Variants in CNTLN observed in about 807,000 individuals in gnomAD.
CNTLN encodes centlein, also known as centlein, centrosomal protein.
In CNTLN, 212 loss-of-function variants were observed where a neutral mutation model predicts 180.0. The ratio of observed to expected loss-of-function variants is 1.18; its 90% confidence interval spans 1.05 to 1.32. CNTLN has a LOEUF of 1.32. CNTLN is among the 40% of genes most tolerant of loss of function. CNTLN has a pLI of 0.00. For missense variants in CNTLN, 2,095 were observed against 1,610.9 expected (o/e 1.30, Z -5.14); for synonymous variants, 722 against 563.1 (o/e 1.28, Z -3.99).
Position 17,173,726 on chromosome 9 carries a change from G to A in CNTLN, c.449+30350G>A, listed in dbSNP as rs141038001. The stretch of plus-strand genomic sequence containing the variant: ...TAAAGGGTGTTTTCAATTGATTTTA[G>A]GGTCAGCGATTTTTTAAGGAAATAG... On this transcript the variant is annotated intron_variant, in intron 2 of 25. Transcript: ENST00000380647. Among the ~76,000 whole-genome samples the A allele has an allele frequency of 6.4e-4, 97 of 152,238 alleles. 1 individual carries two copies. Among genetic ancestry groups the A allele is most frequent in the African/African-American group, 2.3e-3 (94 of 41,532 alleles).
At chr9:17,239,281 C>T (rs1825343505) in intron 5 of CNTLN, among the ~76,000 whole-genome samples, 1 of 152,134 alleles carries the variant, frequency 6.6e-6, no homozygotes, top group Admixed American at 6.5e-5. Flanking sequence ...TTTGCATTTT[C>T]CTGATGGGAA....
intron 18 of CNTLN, among the ~76,000 whole-genome samples, chr9:17,431,140 T>C (rs1829395506): frequency 6.6e-6 from 1 of 152,100 alleles, no homozygotes; most frequent in African/African-American, 2.4e-5. Context: ...CTGTTTTCCA[T>C]AGTGGTGTAC....
intron 5 of CNTLN, among the ~76,000 whole-genome samples, chr9:17,243,234 G>T (rs527958690): frequency 6.6e-6 from 1 of 151,754 alleles, no homozygotes; most frequent in Non-Finnish European, 1.5e-5. Flanking sequence ...AGTTAATCTG[G>T]CTAATGTTTT....
At chr9:17,518,505 A>G in the CNTLN span, among the ~76,000 whole-genome samples, 3 of 152,174 alleles carry the variant, frequency 2.0e-5, no homozygotes, top group Non-Finnish European at 4.4e-5. Flanking sequence ...TGTGGCATTG[A>G]TAATGCATGC....
intron 6 of CNTLN, among the ~76,000 whole-genome samples, chr9:17,281,160 C>T (rs1317431426): frequency 6.6e-6 from 1 of 152,050 alleles, no homozygotes; most frequent in Non-Finnish European, 1.5e-5. Flanking sequence ...CTTCTAAGTT[C>T]TTATGTTACT....
At chr9:17,451,480 T>C (rs1453610688) in intron 18 of CNTLN, among the ~76,000 whole-genome samples, 1 of 152,216 alleles carries the variant, frequency 6.6e-6, no homozygotes, top group Non-Finnish European at 1.5e-5. Context: ...AAACAGATCA[T>C]TCTCGTTTAA....
At chr9:17,471,720 C>G (rs574809618) in intron 23 of CNTLN, among the ~76,000 whole-genome samples, 21 of 151,902 alleles carry the variant, frequency 1.4e-4, no homozygotes, top group Admixed American at 1.2e-3. Context: ...TTTTCAAAAC[C>G]CTTTGAGGTG....
At chr9:17,262,384 A>C (rs1443207593) in intron 5 of CNTLN, among the ~76,000 whole-genome samples, 1 of 151,656 alleles carries the variant, frequency 6.6e-6, no homozygotes, top group African/African-American at 2.4e-5. Flanking sequence ...ACCATGGAAT[A>C]CTATGCAGCC....
At chr9:17,167,523 A>T (rs1820152016) in intron 2 of CNTLN, 1 of 152,224 alleles carries the variant, frequency 6.6e-6, no homozygotes, top group South Asian at 2.1e-4. Flanking sequence ...TTAAGGCCTG[A>T]TAGAACCTAA....
intron 15 of CNTLN, among the ~76,000 whole-genome samples, chr9:17,407,694 G>A (rs1587912376): frequency 1.3e-5 from 2 of 152,288 alleles, no homozygotes; most frequent in South Asian, 4.1e-4. Context: ...ATAGTATGAT[G>A]TATACGCCAG....
chr9:17,274,777 G>A (rs1828203852), intron 6 of CNTLN, among the ~76,000 whole-genome samples: 1 of 152,056 alleles, frequency 6.6e-6, no homozygotes, highest in African/African-American at 2.4e-5. Context: ...CTTCATGTTA[G>A]TGGGCATTGG....
chr9:17,229,531 T>C lies in CNTLN; in HGVS notation c.534+3244T>C, dbSNP rs138863200. 2.6e-3 allele frequency among the ~76,000 whole-genome samples: 401 copies of C among 152,152 alleles called. 5 individuals are homozygous for C. Among genetic ancestry groups the C allele is most frequent in the African/African-American group, 9.2e-3 (383 of 41,526 alleles). Reference sequence around the variant, plus strand: ...TGGAGACCTAGGGAACAGTTTATGTTACATTGCAAATCCTAAGGTAGCCTG... The same window carrying C: ...TGGAGACCTAGGGAACAGTTTATGTCACATTGCAAATCCTAAGGTAGCCTG... On this transcript the variant is annotated intron_variant, in intron 3 of 25. Transcript: ENST00000380647.
rs960407991 is a variant in CNTLN at position 17,179,051 on chromosome 9, C to G, written c.449+35675C>G. On this transcript the variant is annotated intron_variant, in intron 2 of 25. Coordinates refer to ENST00000380647, the MANE Select transcript of CNTLN (RefSeq NM_017738.4). ...CGAGGTCAGGAGATCGAGACCATCCCGGCTAAAACGGTGAAACCCCGTCTC... is the reference window on the plus strand; with the variant it reads ...CGAGGTCAGGAGATCGAGACCATCCGGGCTAAAACGGTGAAACCCCGTCTC... 1.3e-3 allele frequency among the ~76,000 whole-genome samples: 197 copies of G among 146,290 alleles called. 8 individuals carry two copies. Among genetic ancestry groups the G allele is most frequent in the African/African-American group, 5.0e-3 (187 of 37,450 alleles).
At chr9:17,429,696 T>G (rs1046112371) in intron 18 of CNTLN, among the ~76,000 whole-genome samples, 1 of 151,970 alleles carries the variant, frequency 6.6e-6, no homozygotes, top group African/African-American at 2.4e-5. Context: ...GGGTCATGGT[T>G]AGTAAATGGG....
At chr9:17,357,621 C>CAT (rs10668396) in intron 12 of CNTLN, among the ~76,000 whole-genome samples, 117,645 of 145,990 alleles carry the variant, frequency 0.81, 47,867 homozygotes, top group Non-Finnish European at 0.87. Context: ...ATAAATACTA[C>CAT]ATATATATAT....
At chr9:17,299,687 G>GT (rs57037351) in intron 7 of CNTLN, 145,118 of 984,958 alleles carry the variant, frequency 0.15, 12,300 homozygotes, top group African/African-American at 0.35. Context: ...TGCCCACTGT[G>GT]TTTTTTGTTT....
chr9:17,177,506 C>T (rs1269352338), intron 2 of CNTLN, among the ~76,000 whole-genome samples: 1 of 152,140 alleles, frequency 6.6e-6, no homozygotes, highest in Non-Finnish European at 1.5e-5. Flanking sequence ...GCTGCGGACC[C>T]TTGTGGTGAG....
intron 5 of CNTLN, among the ~76,000 whole-genome samples, chr9:17,237,403 A>ACACACG (rs1278912041): frequency 3.7e-5 from 5 of 136,776 alleles, no homozygotes; most frequent in African/African-American, 1.5e-4. Context: ...ACACACACAC[A>ACACACG]CACGGTTAGT....
At chr9:17,470,527 G>A (rs1831998533) in intron 23 of CNTLN, among the ~76,000 whole-genome samples, 1 of 151,852 alleles carries the variant, frequency 6.6e-6, no homozygotes, top group African/African-American at 2.4e-5. Flanking sequence ...AGGTGGAGTG[G>A]CCATCTGTTC....
Sources: gnomAD v4.1 joint callset for allele counts (sites outside exome capture counted in the v4.1 genomes callset) on GRCh38, gnomAD v4.1.1 for gene constraint, MANE v1.5 for transcripts, NCBI Gene and HGNC (gene_info 2026-07-23, HGNC 2026-07-21) for gene names.